Variants in SYT14 observed in about 807,000 individuals in gnomAD.
SYT14 encodes the protein synaptotagmin-14.
In SYT14, 32 loss-of-function variants were observed where a neutral mutation model predicts 74.2. That is an observed-to-expected ratio of 0.43 (90% confidence interval 0.33 to 0.58). SYT14 has a LOEUF of 0.58. SYT14 is among the 20% of genes least tolerant of loss of function. The pLI is 0.05. For missense variants in SYT14, 791 were observed against 981.8 expected (o/e 0.81, Z 2.60); for synonymous variants, 298 against 337.7 (o/e 0.88, Z 1.29).
intron 2 of SYT14, among the ~76,000 whole-genome samples, chr1:209,994,360 A>G (rs115587499): frequency 6.6e-6 from 1 of 152,350 alleles, no homozygotes; most frequent in African/African-American, 2.4e-5. Context: ...CAGAAGTATT[A>G]ACAGCAGAAT....
At chr1:210,018,720 C>T (rs1034622526) in intron 4 of SYT14, among the ~76,000 whole-genome samples, 6 of 152,162 alleles carry the variant, frequency 3.9e-5, no homozygotes, top group Non-Finnish European at 8.8e-5. Context: ...TAAACTTATA[C>T]ACGCAATGTT....
chr1:210,170,050 C>A (rs746866299), exon 10 of SYT14: 1 of 151,554 alleles, frequency 6.6e-6, no homozygotes, highest in Non-Finnish European at 1.5e-5. Flanking sequence ...ACTTATTTTT[C>A]TAATAATGGA....
chr1:210,132,524 G>A (rs767016831), intron 7 of SYT14, among the ~76,000 whole-genome samples: 2 of 151,174 alleles, frequency 1.3e-5, no homozygotes, highest in African/African-American at 2.4e-5. Context: ...ATGACCCCTC[G>A]ACAGTCCCTC....
chr1:209,995,119 A>G (rs2079764670), intron 2 of SYT14, among the ~76,000 whole-genome samples: 1 of 152,222 alleles, frequency 6.6e-6, no homozygotes, highest in Admixed American at 6.5e-5. Context: ...CAAGATGATG[A>G]CAAGATGAAA....
Position 210,091,254 on chromosome 1 carries a change from T to TA in SYT14, c.1313-3062dup, listed in dbSNP as rs2081861278. Among the ~76,000 whole-genome samples the TA allele has an allele frequency of 2.6e-5, 4 of 151,964 alleles. No individual in the cohort carries two copies. In the South Asian group the frequency reaches 8.3e-4, roughly 32 times the overall value. The stretch of plus-strand genomic sequence containing the variant: ...CCCACAGCTAGGCAAGGACCTAATA[T>TA]AAAAAAGCAAACCAAAGGAAATAAG... On this transcript the variant is annotated intron_variant, in intron 5 of 9. Coordinates refer to ENST00000637265, the Ensembl canonical transcript of SYT14.
chr1:210,155,948 T>C (rs2083260343), intron 8 of SYT14, 38 bp downstream of exon 7: 1 of 1,597,496 alleles, frequency 6.3e-7, no homozygotes, highest in Non-Finnish European at 8.6e-7. Flanking sequence ...TAATGTTTTC[T>C]GCACTTTTGG....
intron 7 of SYT14, among the ~76,000 whole-genome samples, chr1:210,150,176 A>C (rs1006357893): frequency 1.3e-5 from 2 of 152,106 alleles, no homozygotes; most frequent in African/African-American, 4.8e-5. Flanking sequence ...AGGAGGGAAA[A>C]GTCTGCCAAA....
intron 7 of SYT14, among the ~76,000 whole-genome samples, chr1:210,103,472 C>T (rs1394733214): frequency 6.6e-6 from 1 of 150,936 alleles, no homozygotes. Flanking sequence ...ATGGTGTGAA[C>T]CCAGGAGGCG....
intron 5 of SYT14, among the ~76,000 whole-genome samples, chr1:210,086,246 C>T (rs1001573127): frequency 6.6e-6 from 1 of 152,134 alleles, no homozygotes; most frequent in Admixed American, 6.5e-5. Flanking sequence ...AAGCTGGTAT[C>T]TACCAGGTTT....
intron 5 of SYT14, among the ~76,000 whole-genome samples, chr1:210,026,605 TACACACACAC>T (rs368072216): frequency 1.6e-4 from 22 of 138,346 alleles, no homozygotes; most frequent in Non-Finnish European, 3.0e-4. Context: ...GTATATAGCT[TACACACACAC>T]ACACACACAC....
At chr1:210,023,990 T>A (rs1223076267) in intron 5 of SYT14, among the ~76,000 whole-genome samples, 3 of 152,072 alleles carry the variant, frequency 2.0e-5, no homozygotes, top group African/African-American at 7.2e-5. Flanking sequence ...TATACATTAA[T>A]CAAGGTTTTT....
intron 1 of SYT14, among the ~76,000 whole-genome samples, chr1:209,939,634 G>A (rs2078697678): frequency 6.6e-6 from 1 of 152,102 alleles, no homozygotes; most frequent in Non-Finnish European, 1.5e-5. Flanking sequence ...TTTACCAAAG[G>A]TTAAAAATCA....
intron 5 of SYT14, among the ~76,000 whole-genome samples, chr1:210,053,591 G>T (rs1397922037): frequency 1.3e-5 from 2 of 152,200 alleles, no homozygotes; most frequent in African/African-American, 4.8e-5. Context: ...CAGGAAAATT[G>T]TTTGGTTTAG....
chr1:209,947,430 A>G (rs532127408), intron 1 of SYT14, among the ~76,000 whole-genome samples: 3 of 152,220 alleles, frequency 2.0e-5, no homozygotes, highest in African/African-American at 7.2e-5. Context: ...GATTCCAACT[A>G]TCATGGATGA....
intron 7 of SYT14, among the ~76,000 whole-genome samples, chr1:210,139,500 C>T (rs1003982218): frequency 6.6e-6 from 1 of 152,020 alleles, no homozygotes; most frequent in African/African-American, 2.4e-5. Context: ...ACTATTGAGA[C>T]ATGATTCACA....
In SYT14 at chr1:210,006,738, A is replaced by G. The variant is rs1314745881; in HGVS notation, c.-485-6895A>G. Reference sequence around the variant, plus strand: ...TGTTTAATTTTGCATTTAAGATATAATGAATAGAATAGTCTTACAAAATTT... The same window carrying G: ...TGTTTAATTTTGCATTTAAGATATAGTGAATAGAATAGTCTTACAAAATTT... On this transcript the variant is annotated intron_variant, in intron 2 of 9. Coordinates refer to ENST00000637265, the Ensembl canonical transcript of SYT14. Among the ~76,000 whole-genome samples, 3 of 151,940 alleles carry G rather than the reference A, an allele frequency of 2.0e-5. No homozygotes were observed. In the East Asian group the frequency reaches 5.8e-4, roughly 29 times the overall value.
At chr1:210,032,121 T>A (rs1259699638) in intron 5 of SYT14, among the ~76,000 whole-genome samples, 1 of 152,040 alleles carries the variant, frequency 6.6e-6, no homozygotes, top group Non-Finnish European at 1.5e-5. Flanking sequence ...GATTTTTTTT[T>A]CACAGAGAAG....
Position 209,951,741 on chromosome 1 carries a change from A to G in SYT14, c.-533-968A>G, listed in dbSNP as rs148172758. On this transcript the variant is annotated intron_variant, in intron 1 of 9. Transcript: ENST00000637265. ...AACAATAGAATTGAAATTTATGCAT[A>G]TGTATGCATGAATATATGTGTATAT... Among the ~76,000 whole-genome samples, 246 of 152,314 alleles carry G rather than the reference A, an allele frequency of 1.6e-3. 1 individual carries two copies. Among genetic ancestry groups the G allele is most frequent in the African/African-American group, 5.1e-3 (210 of 41,558 alleles).
intron 2 of SYT14, among the ~76,000 whole-genome samples, chr1:209,978,727 A>G (rs1199315665): frequency 6.6e-6 from 1 of 152,178 alleles, no homozygotes; most frequent in African/African-American, 2.4e-5. Context: ...TACTCTCTTC[A>G]AAGCTGTCAG....
Sources: gnomAD v4.1 joint callset for allele counts (sites outside exome capture counted in the v4.1 genomes callset) on GRCh38, gnomAD v4.1.1 for gene constraint, MANE v1.5 for transcripts, NCBI Gene and HGNC (gene_info 2026-07-23, HGNC 2026-07-21) for gene names.